NADK: variants seen among roughly 807,000 people sequenced by gnomAD.
The protein encoded by NADK is NAD kinase, also known as poly(P)/ATP NAD kinase.
NADK carries 22 observed loss-of-function variants against 49.8 expected under a neutral mutation model. The ratio of observed to expected loss-of-function variants is 0.44; its 90% CI spans 0.32 to 0.63. The LOEUF (loss-of-function observed/expected upper bound fraction) is 0.63, where lower values mean the gene tolerates loss of function less well. Among genes scored for constraint, NADK ranks in the 30% least tolerant of loss-of-function variants. The pLI, the probability that NADK is intolerant of heterozygous loss-of-function variation, is 0.06. For synonymous variants in NADK, 268 were observed against 253.7 expected (o/e 1.06, Z -0.54); for missense variants, 438 against 609.4 (o/e 0.72, Z 2.96).
At chr1:1,772,838 G>C (rs1298249039) in intron 1 of NADK, among the ~76,000 whole-genome samples, 1 of 151,924 alleles carries the variant, frequency 6.6e-6, no homozygotes, top group Non-Finnish European at 1.5e-5. Flanking sequence ...TCAGGAGTTT[G>C]AGACCAGCCT....
intron 1 of NADK, among the ~76,000 whole-genome samples, chr1:1,770,801 C>A (rs1171724630): frequency 6.6e-6 from 1 of 151,990 alleles, no homozygotes; most frequent in Non-Finnish European, 1.5e-5. Flanking sequence ...GTAATCCCAA[C>A]ACTGGGAGGC....
intron 3 of NADK, chr1:1,759,966 AG>A: frequency 6.6e-7 from 1 of 1,510,462 alleles, no homozygotes; most frequent in Non-Finnish European, 9.0e-7. Context: ...GTGGGGTGCC[AG>A]GGACACAGCA....
intron 1 of NADK, among the ~76,000 whole-genome samples, chr1:1,771,260 T>C (rs1331025421): frequency 6.6e-6 from 1 of 151,820 alleles, no homozygotes; most frequent in Admixed American, 6.6e-5. Flanking sequence ...CCTAAATAAA[T>C]GGAGAGACAT....
intron 1 of NADK, among the ~76,000 whole-genome samples, chr1:1,767,820 C>T (rs1645930766): frequency 6.6e-6 from 1 of 152,114 alleles, no homozygotes; most frequent in South Asian, 2.1e-4. Flanking sequence ...AGCAATCCCC[C>T]CAAATTCCTA....
intron 3 of NADK, 74 bp downstream of exon 3, chr1:1,761,878 C>T: frequency 7.1e-7 from 1 of 1,415,986 alleles, no homozygotes; most frequent in Non-Finnish European, 1.0e-6. Context: ...ATCCCATGGC[C>T]CCCGGCACTC....
chr1:1,756,652 A>C (rs1570513606), intron 4 of NADK, 44 bp from the exon 5 acceptor site: 2 of 1,611,490 alleles, frequency 1.2e-6, no homozygotes, highest in Non-Finnish European at 1.7e-6. Context: ...TGCAGACCCC[A>C]CCCTCCTGCA....
Position 1,754,754 on chromosome 1 carries a change from GCCCC to G in NADK, c.689-60_689-57del. 1 of 1,512,882 alleles carries G rather than the reference GCCCC, an allele frequency of 6.6e-7. No individual in the cohort carries two copies. Among genetic ancestry groups the G allele is most frequent in the Non-Finnish European group, 8.8e-7 (1 of 1,130,328 alleles). The allele number at this position is 1,512,882 out of a possible 1,614,324, so 93.7% of individuals were successfully genotyped here. On this transcript the variant is annotated intron_variant, in intron 7 of 11. Transcript: ENST00000341426. The surrounding 1 kb of genome is among the most constrained non-coding windows in gnomAD (Gnocchi z 4.3). ...ATCAGGGAAGTCAGTGGGGTCAGGG[GCCCC>G]ACCCCAGGGAGGCCAGTGGGAGTCA...
chr1:1,769,093 A>T (rs1244525128), intron 1 of NADK, among the ~76,000 whole-genome samples: 2 of 152,228 alleles, frequency 1.3e-5, no homozygotes, highest in African/African-American at 4.8e-5. Flanking sequence ...AATTGACAGT[A>T]CTGTCCCAGT....
rs1645367363 is a variant in NADK at position 1,752,841 on chromosome 1, G to A, written c.*63C>T. ...AGGCGGTCACAGACACACGCAGATT[G>A]GTCTGTCCCCAGAGGGCGCTTGGAG... On this transcript the variant is annotated 3_prime_UTR_variant, in exon 12 of 12. Transcript: ENST00000341426. 6.4e-7 allele frequency: 1 copy of A among 1,550,596 alleles called. No homozygotes were observed. The highest frequency in any genetic ancestry group is 8.8e-7 in the Non-Finnish European group (1 of 1,138,642).
intron 1 of NADK, among the ~76,000 whole-genome samples, chr1:1,773,707 T>TGA (rs1228662573): frequency 1.3e-4 from 14 of 107,044 alleles, no homozygotes; most frequent in Middle Eastern, 4.2e-3. Context: ...TGTGTGTGTG[T>TGA]GTGTGTGTGT....
Position 1,775,112 on chromosome 1 carries a change from GA to G in NADK, c.-41+3176del, listed in dbSNP as rs796232691. 8.8e-3 allele frequency among the ~76,000 whole-genome samples: 1,101 copies of G among 124,780 alleles called. 12 individuals are homozygous for G. Among genetic ancestry groups the G allele is most frequent in the African/African-American group, 0.027 (919 of 34,148 alleles). The allele number at this position is 124,780 out of a possible 152,430, so 81.9% of individuals were successfully genotyped here. A position where few individuals can be genotyped will look rare whatever the true frequency, so the allele number is the denominator to read the frequency against. ...GGACAGAGTGAGACTCCGCCTCAAA[GA>G]AAAAAAAAAAATCCTCTGTATTAGG... is the stretch of plus-strand genomic sequence containing the variant. On this transcript the variant is annotated intron_variant, in intron 1 of 11. Coordinates refer to ENST00000341426, the MANE Select transcript of NADK (RefSeq NM_023018.5).
intron 3 of NADK, chr1:1,759,611 C>T (rs35672141): frequency 0.46 from 528,658 of 1,144,490 alleles, 129,407 homozygotes; most frequent in Admixed American, 0.57. Context: ...AAGCCCTGCC[C>T]CTCCACAGCG....
chr1:1,773,719 TGTGTGTGTGTGA>T (rs1328943013), intron 1 of NADK, among the ~76,000 whole-genome samples: 11 of 137,256 alleles, frequency 8.0e-5, no homozygotes, highest in East Asian at 4.4e-4. Context: ...TGTGTGTGTG[TGTGTGTGTGTGA>T]GAGAGAGAGA....
chr1:1,773,705 TGTGTGTGTGTGTGTGTGTGTGTGTGA>T (rs1646121714), intron 1 of NADK, among the ~76,000 whole-genome samples: 1 of 106,268 alleles, frequency 9.4e-6, no homozygotes, highest in Non-Finnish European at 2.3e-5. Context: ...TGTGTGTGTG[TGTGTGTGTGTGTGTGTGTGTGTGTGA>T]GAGAGAGAGA....
At chr1:1,753,474 G>C in intron 11 of NADK, 93 bp downstream of exon 11, 1 of 1,028,212 alleles carries the variant, frequency 9.7e-7, no homozygotes, top group Non-Finnish European at 1.4e-6. Flanking sequence ...TAGGGGACAA[G>C]CTGTGTCTAC....
intron 1 of NADK, among the ~76,000 whole-genome samples, chr1:1,769,521 A>G (rs1029591946): frequency 6.6e-6 from 1 of 152,256 alleles, no homozygotes; most frequent in South Asian, 2.1e-4. Context: ...ATGGCACTCC[A>G]GCTTGGGCAA....
intron 2 of NADK, among the ~76,000 whole-genome samples, chr1:1,763,496 G>A (rs1172946854): frequency 4.6e-5 from 7 of 151,898 alleles, no homozygotes; most frequent in Admixed American, 6.6e-5. Context: ...GCATATGCCT[G>A]TAATCCCAGC....
intron 2 of NADK, 85 bp from the exon 3 acceptor site, chr1:1,762,120 G>C: frequency 2.6e-6 from 3 of 1,159,642 alleles, no homozygotes; most frequent in Middle Eastern, 1.9e-4. Context: ...AGGTTACACG[G>C]TAAGGCATAC....
At chr1:1,769,412 G>A (rs1379085973) in intron 1 of NADK, among the ~76,000 whole-genome samples, 4 of 152,148 alleles carry the variant, frequency 2.6e-5, no homozygotes, top group African/African-American at 7.2e-5. Context: ...TTAGCCGGGC[G>A]TGGTGGTGGG....
Sources: allele counts gnomAD v4.1 joint callset (sites outside exome capture counted in the v4.1 genomes callset), GRCh38; gene constraint gnomAD v4.1.1; non-coding constraint Gnocchi (gnomAD v3.1); transcripts MANE v1.5; gene names NCBI Gene and HGNC (gene_info 2026-07-23, HGNC 2026-07-21).